The following ZC3H14 variants were observed in gnomAD, a reference collection of about 807,000 sequenced individuals.
ZC3H14 encodes the protein zinc finger CCCH domain-containing protein 14.
A neutral mutation model predicts 92.4 loss-of-function variants in ZC3H14; 31 were observed. The ratio of observed to expected loss-of-function variants is 0.34; its 90% CI spans 0.25 to 0.45. The LOEUF is 0.45. Among genes scored for constraint, ZC3H14 ranks in the 20% least tolerant of loss-of-function variants. The pLI, the probability that ZC3H14 is intolerant of heterozygous loss-of-function variation, is 1.00. For synonymous variants in ZC3H14, 321 were observed against 300.9 expected (o/e 1.07, Z -0.69); for missense variants, 781 against 897.3 (o/e 0.87, Z 1.66).
rs1418933140 is a variant in ZC3H14 at position 88,617,100 on chromosome 14, C to T, written c.*5349C>T. The T allele has an allele frequency of 1.0e-5, 4 of 393,324 alleles. No homozygotes were observed. In the East Asian group the frequency reaches 1.1e-4, roughly 11 times the overall value. 24.4% of individuals were successfully genotyped at this position (393,324 alleles called of 1,614,324 possible). A position where few individuals can be genotyped will look rare whatever the true frequency, so the allele number is the denominator to read the frequency against. Reference sequence around the variant, plus strand: ...TAATTTGAAGGGTTTCTAGATTAATCTTTTTAAGATTAAAGTAGTACTTTA... The same window carrying T: ...TAATTTGAAGGGTTTCTAGATTAATTTTTTTAAGATTAAAGTAGTACTTTA... On this transcript the variant is annotated 3_prime_UTR_variant, in exon 17 of 17. Transcript: ENST00000251038.
intron 9 of ZC3H14, chr14:88,590,890 G>A (rs2083043490): frequency 6.6e-6 from 1 of 152,132 alleles, no homozygotes; most frequent in Non-Finnish European, 1.5e-5. Context: ...CATCTAACCT[G>A]CAGTTTTCAC....
Position 88,616,893 on chromosome 14 carries a change from A to C in ZC3H14, c.*5142A>C. The C allele has an allele frequency of 6.2e-7, 1 of 1,609,958 alleles. No individual in the cohort carries two copies. The highest frequency in any genetic ancestry group is 8.5e-7 in the Non-Finnish European group (1 of 1,178,270). Reference sequence around the variant, plus strand: ...TCTCCTAGAATACTAGAGGGAAGGAACAAAAGAAAACTCATCATGGCAAGT... The same window carrying C: ...TCTCCTAGAATACTAGAGGGAAGGACCAAAAGAAAACTCATCATGGCAAGT... On this transcript the variant is annotated 3_prime_UTR_variant, in exon 17 of 17. Coordinates refer to ENST00000251038, the MANE Select transcript of ZC3H14 (RefSeq NM_024824.5).
intron 9 of ZC3H14, among the ~76,000 whole-genome samples, chr14:88,585,121 C>T (rs929414977): frequency 2.0e-5 from 3 of 152,078 alleles, no homozygotes; most frequent in Admixed American, 6.5e-5. Flanking sequence ...TATATTATAT[C>T]TTAAATATTA....
intron 9 of ZC3H14, chr14:88,594,272 A>G (rs994077822): frequency 9.2e-6 from 3 of 326,500 alleles, no homozygotes; most frequent in Admixed American, 5.9e-5. Context: ...TTAATGTTAT[A>G]TTGCTTAACC....
In ZC3H14 at chr14:88,622,862, T is replaced by G. The variant is rs546788304; in HGVS notation, c.*11111T>G. 1.9e-6 allele frequency: 1 copy of G among 514,094 alleles called. No homozygotes were observed. Among genetic ancestry groups the G allele is most frequent in the African/African-American group, 2.0e-5 (1 of 51,080 alleles). The allele number at this position is 514,094 out of a possible 1,614,324, so 31.8% of individuals were successfully genotyped here. On this transcript the variant is annotated 3_prime_UTR_variant, in exon 17 of 17. Coordinates refer to ENST00000251038, the MANE Select transcript of ZC3H14 (RefSeq NM_024824.5). ...ATTTACCTCTAATATTCTTGTAAAC[T>G]TTCTATGGCAATTTGAGGATATACT...
intron 9 of ZC3H14, among the ~76,000 whole-genome samples, chr14:88,595,315 T>C (rs2139973978): frequency 6.6e-6 from 1 of 152,322 alleles, no homozygotes; most frequent in Middle Eastern, 3.4e-3. Flanking sequence ...TTAATGGAGC[T>C]CTCTAAAACG....
At chr14:88,564,518 C>T (rs929395440) in intron 2 of ZC3H14, among the ~76,000 whole-genome samples, 3 of 152,186 alleles carry the variant, frequency 2.0e-5, no homozygotes, top group Admixed American at 6.5e-5. Flanking sequence ...CAGTGGTTCT[C>T]AAAGTGTGGG....
chr14:88,603,214 A>C (rs1269884231), intron 12 of ZC3H14, among the ~76,000 whole-genome samples, 154 bp downstream of exon 12: 3 of 152,238 alleles, frequency 2.0e-5, no homozygotes, highest in African/African-American at 7.2e-5. Context: ...CACCAAGTAC[A>C]TTTCAGACTC....
At chr14:88,594,270 A>G (rs1324294698) in intron 9 of ZC3H14, 1 of 302,848 alleles carries the variant, frequency 3.3e-6, no homozygotes. Flanking sequence ...ACTTAATGTT[A>G]TATTGCTTAA....
Position 88,616,651 on chromosome 14 carries a change from T to C in ZC3H14, c.*4900T>C, listed in dbSNP as rs989974138. 7 of 1,355,082 alleles carry C rather than the reference T, an allele frequency of 5.2e-6. No individual in the cohort carries two copies. The Admixed American group carries it at 1.3e-4, about 26-fold the overall frequency. 83.9% of individuals were successfully genotyped at this position (1,355,082 alleles called of 1,614,324 possible). On this transcript the variant is annotated 3_prime_UTR_variant, in exon 17 of 17. Coordinates refer to ENST00000251038, the MANE Select transcript of ZC3H14 (RefSeq NM_024824.5). ...AAATTAGGACAAAACATTTTAAATA[T>C]ATGGGGAAAAGTGCTGATGATAAGA...
At position 88,568,050 on chromosome 14, in the gene ZC3H14, C is replaced by G; in HGVS notation, c.91C>G (p.Pro31Ala). ...TTCCTTTTAAATAGATGAAGAACTT[C>G]CTGATTACATTATGGTGATGGTGGC... is the stretch of plus-strand genomic sequence containing the variant. ...ELGAYVDEELPDYIMVMVANK... is the reference protein window; with the variant it reads ...ELGAYVDEELADYIMVMVANK... The change falls in exon 3 of 17, where the codon CCT becomes GCT. Residue 31 changes from proline to alanine, a missense_variant. Pro to Ala is a conservative substitution (Grantham distance 27). This residue lies in a region of ZC3H14 where 106 missense variants were observed against 154.2 expected (regional missense o/e 0.69). Transcript: ENST00000251038. The G allele has an allele frequency of 6.2e-7, 1 of 1,613,902 alleles. No individual in the cohort carries two copies. Among genetic ancestry groups the G allele is most frequent in the Non-Finnish European group, 8.5e-7 (1 of 1,179,826 alleles).
Position 88,616,495 on chromosome 14 carries a change from G to A in ZC3H14, c.*4744G>A. 1 of 604,228 alleles carries A rather than the reference G, an allele frequency of 1.7e-6. No individual in the cohort carries two copies. The allele number at this position is 604,228 out of a possible 1,614,324, so 37.4% of individuals were successfully genotyped here. A position where few individuals can be genotyped will look rare whatever the true frequency, so the allele number is the denominator to read the frequency against. ...ATTTGAAATTTGATAACTGATTATA[G>A]GTTTGGTGAAAAGCTAATTACAGCT... On this transcript the variant is annotated 3_prime_UTR_variant, in exon 17 of 17. Transcript: ENST00000251038.
At position 88,598,916 on chromosome 14, in the gene ZC3H14, A is replaced by G. The variant is rs148131457; in HGVS notation, c.1354+2108A>G. On this transcript the variant is annotated intron_variant, in intron 10 of 16. Transcript: ENST00000251038. Reference sequence around the variant, plus strand: ...AGCCTGGCCAACATGGCGAAACCCAATCTCTACTAAAAAATACAAAAATTA... The same window carrying G: ...AGCCTGGCCAACATGGCGAAACCCAGTCTCTACTAAAAAATACAAAAATTA... 2.2e-4 allele frequency among the ~76,000 whole-genome samples: 34 copies of G among 152,284 alleles called. 1 individual carries two copies. The highest frequency in any genetic ancestry group is 1.0e-3 in the South Asian group (5 of 4,824).
In ZC3H14 at chr14:88,609,336, G is replaced by C. The variant is rs775421066; in HGVS notation, c.1938G>C (p.Lys646Asn). The change falls in exon 14 of 17, where the codon AAG (lysine) becomes AAC (asparagine). Residue 646 changes from lysine to asparagine, a missense_variant. Around this residue, in one of 3 missense-constraint regions of ZC3H14, gnomAD observed 221 missense variants for 304.7 expected, o/e 0.73. Coordinates refer to ENST00000251038, the MANE Select transcript of ZC3H14 (RefSeq NM_024824.5). Reference sequence around the variant, plus strand: ...ACCCAAATTGTAAATATGATGCAAAGTGTACTAAACCAGATTGTCCCTTCA... The same window carrying C: ...ACCCAAATTGTAAATATGATGCAAACTGTACTAAACCAGATTGTCCCTTCA... ...FVHPNCKYDA[K>N]CTKPDCPFTH... is the part of the protein sequence containing the mutation. The C allele has an allele frequency of 6.2e-7, 1 of 1,614,046 alleles. No homozygotes were observed. The highest frequency in any genetic ancestry group is 8.5e-7 in the Non-Finnish European group (1 of 1,179,988).
At chr14:88,569,949 C>G (rs1292427537) in intron 3 of ZC3H14, among the ~76,000 whole-genome samples, 1 of 151,934 alleles carries the variant, frequency 6.6e-6, no homozygotes, top group East Asian at 1.9e-4. Flanking sequence ...CCCTCCCAGC[C>G]CCCCACAAAA....
chr14:88,595,142 T>C, intron 9 of ZC3H14: 2 of 1,601,020 alleles, frequency 1.2e-6, no homozygotes, highest in Non-Finnish European at 1.7e-6. Flanking sequence ...ATGTTCTAGG[T>C]ACCCATCCTT....
chr14:88,566,474 G>T (rs972095356), intron 2 of ZC3H14, among the ~76,000 whole-genome samples: 3 of 151,992 alleles, frequency 2.0e-5, no homozygotes, highest in African/African-American at 4.8e-5. Flanking sequence ...GAGAATTGAG[G>T]CTCAGAGAAA....
At chr14:88,563,304 C>T (rs954329942) in intron 1 of ZC3H14, 135 bp downstream of exon 1, 2 of 1,526,450 alleles carry the variant, frequency 1.3e-6, no homozygotes, top group Non-Finnish European at 1.8e-6. Flanking sequence ...GCTGCGGCTC[C>T]TCCTCGTCCA....
rs76434000 is a variant in ZC3H14 at position 88,570,029 on chromosome 14, C to T, written c.195-1055C>T. 7.6e-3 allele frequency among the ~76,000 whole-genome samples: 1,155 copies of T among 152,100 alleles called. 6 individuals carry two copies. The highest frequency in any genetic ancestry group is 0.026 in the African/African-American group (1,074 of 41,468). On this transcript the variant is annotated intron_variant, in intron 3 of 16. Coordinates refer to ENST00000251038, the MANE Select transcript of ZC3H14 (RefSeq NM_024824.5). Reference sequence around the variant, plus strand: ...GTACTATTTTTTTTTCTAAAGCGACCGAGTAGATCCTTTTCTCCGATAACT... The same window carrying T: ...GTACTATTTTTTTTTCTAAAGCGACTGAGTAGATCCTTTTCTCCGATAACT...
Sources: gnomAD v4.1 joint callset for allele counts (sites outside exome capture counted in the v4.1 genomes callset) on GRCh38, gnomAD v4.1.1 for gene constraint, gnomAD v4.1.1 regional missense constraint, MANE v1.5 for transcripts, NCBI Gene and HGNC (gene_info 2026-07-23, HGNC 2026-07-21) for gene names.